Variants in TMEM74 observed in about 807,000 individuals in gnomAD.
TMEM74 encodes the protein transmembrane protein 74.
TMEM74 carries 13 observed loss-of-function variants against 18.1 expected under a neutral mutation model. The observed-to-expected ratio is 0.72, with a 90% CI of 0.47 to 1.14. The LOEUF (loss-of-function observed/expected upper bound fraction) is 1.14. Among genes scored for constraint, TMEM74 ranks in the 50% most tolerant of loss-of-function variants. The probability of loss-of-function intolerance (pLI) is 0.00; values close to 1 mark genes in which losing one functional copy is unlikely to be tolerated. For missense variants in TMEM74, 372 were observed against 375.9 expected, an observed-to-expected ratio of 0.99 and a Z score of 0.09; for synonymous variants, 159 against 146.6, an observed-to-expected ratio of 1.08 and a Z score of -0.61.
At chr8:108,676,615 T>A (rs915502419) in intron 1 of TMEM74, among the ~76,000 whole-genome samples, 4 of 152,214 alleles carry the variant, frequency 2.6e-5, no homozygotes, top group African/African-American at 9.6e-5. Context: ...TCAATTAATA[T>A]TTTTCACCCT....
At chr8:108,785,213 TC>T in intron 1 of TMEM74, 76 bp from the exon 2 acceptor site, 2 of 1,126,274 alleles carry the variant, frequency 1.8e-6, no homozygotes, top group Non-Finnish European at 2.5e-6. Context: ...GCTCCTGGGG[TC>T]CCCATTTCCT....
chr8:108,761,197 G>A (rs1210429873), intron 1 of TMEM74, among the ~76,000 whole-genome samples: 1 of 152,068 alleles, frequency 6.6e-6, no homozygotes, highest in Non-Finnish European at 1.5e-5. Flanking sequence ...ATAGTGGTTA[G>A]AAGCATGGTT....
At chr8:108,623,243 G>C (rs1319620383) in intron 2 of TMEM74, among the ~76,000 whole-genome samples, 1 of 152,074 alleles carries the variant, frequency 6.6e-6, no homozygotes, top group African/African-American at 2.4e-5. Flanking sequence ...CTACAAATTA[G>C]GTCCTTTCTA....
At chr8:108,686,660 T>C (rs3019415) in intron 1 of TMEM74, among the ~76,000 whole-genome samples, 27,823 of 147,732 alleles carry the variant, frequency 0.19, 2,753 homozygotes, top group East Asian at 0.3. Context: ...TCAGTCAGGT[T>C]CTAAGTCCAA....
intron 1 of TMEM74, among the ~76,000 whole-genome samples, chr8:108,727,392 A>G (rs942177140): frequency 3.3e-5 from 5 of 152,204 alleles, no homozygotes; most frequent in African/African-American, 1.2e-4. Context: ...AGATGATGAC[A>G]AGTGGCAAGA....
intron 2 of TMEM74, among the ~76,000 whole-genome samples, chr8:108,635,565 C>A (rs1185341950): frequency 2.6e-5 from 4 of 151,966 alleles, no homozygotes; most frequent in Admixed American, 6.6e-5. Flanking sequence ...CACCTTTAGA[C>A]CAGACAAGAC....
intron 1 of TMEM74, among the ~76,000 whole-genome samples, chr8:108,676,579 A>T (rs188583608): frequency 5.1e-4 from 78 of 152,252 alleles, no homozygotes; most frequent in African/African-American, 1.9e-3. Flanking sequence ...CAATCCTTCC[A>T]TTGACCACCC....
chr8:108,701,741 A>G lies in TMEM74; in HGVS notation n.120-46304T>C, dbSNP rs570052999. Among the ~76,000 whole-genome samples the G allele has an allele frequency of 3.3e-5, 5 of 152,330 alleles. No individual in the cohort carries two copies. The South Asian group carries it at 1.0e-3, about 32-fold the overall frequency. ...TGCAAAACTCTGATGCAAGAAATCA[A>G]AAAAGAACTAAATAAACAGAGAAAT... On this transcript the variant is annotated intron_variant and non_coding_transcript_variant, in intron 1 of 3. Coordinates refer to the TMEM74 transcript ENST00000518838.
At chr8:108,637,082 A>C (rs1812614145) in intron 2 of TMEM74, among the ~76,000 whole-genome samples, 1 of 151,976 alleles carries the variant, frequency 6.6e-6, no homozygotes, top group Non-Finnish European at 1.5e-5. Flanking sequence ...ACTTCTCATT[A>C]CTCCTGCTAT....
At chr8:108,679,375 G>A (rs1450099828) in intron 1 of TMEM74, among the ~76,000 whole-genome samples, 3 of 152,124 alleles carry the variant, frequency 2.0e-5, no homozygotes, top group Non-Finnish European at 4.4e-5. Flanking sequence ...CAGTGTAAAA[G>A]TGTTCCTATT....
At chr8:108,778,737 C>A (rs1230179691), downstream of TMEM74, among the ~76,000 whole-genome samples, 54 of 152,118 alleles carry the variant, frequency 3.5e-4, no homozygotes, top group Non-Finnish European at 7.3e-5. Context: ...AGATTAAAAG[C>A]AGGTGCATAA....
intron 1 of TMEM74, among the ~76,000 whole-genome samples, chr8:108,694,941 C>T: frequency 6.6e-6 from 1 of 152,160 alleles, no homozygotes; most frequent in Admixed American, 6.5e-5. Flanking sequence ...AACCCACAAG[C>T]ATTCCCCTTT....
intron 1 of TMEM74, among the ~76,000 whole-genome samples, chr8:108,728,232 T>G (rs976193707): frequency 1.3e-5 from 2 of 152,160 alleles, no homozygotes; most frequent in East Asian, 1.9e-4. Flanking sequence ...AAATAGCATA[T>G]GCTTGTATGG....
intron 1 of TMEM74, among the ~76,000 whole-genome samples, chr8:108,746,209 G>C (rs186614501): frequency 2.0e-5 from 3 of 152,152 alleles, no homozygotes; most frequent in African/African-American, 4.8e-5. Context: ...TCATTTAAGA[G>C]GGGAGGCTAT....
intron 1 of TMEM74, among the ~76,000 whole-genome samples, chr8:108,735,749 A>G (rs1290232504): frequency 1.3e-5 from 2 of 152,130 alleles, no homozygotes; most frequent in Admixed American, 6.5e-5. Context: ...GCTGAGTCAT[A>G]TGGCATCTTT....
At chr8:108,637,688 C>A (rs1812620915) in intron 2 of TMEM74, among the ~76,000 whole-genome samples, 1 of 152,084 alleles carries the variant, frequency 6.6e-6, no homozygotes. Flanking sequence ...CTAGAGCCTA[C>A]AGAAGGAAAG....
At chr8:108,691,219 GTGA>G (rs1431427780) in intron 1 of TMEM74, among the ~76,000 whole-genome samples, 4 of 152,202 alleles carry the variant, frequency 2.6e-5, no homozygotes, top group African/African-American at 9.6e-5. Flanking sequence ...GAGAAAGGAT[GTGA>G]TCTCTTTGGT....
At chr8:108,743,435 A>G (rs1813820779) in intron 1 of TMEM74, among the ~76,000 whole-genome samples, 1 of 152,222 alleles carries the variant, frequency 6.6e-6, no homozygotes, top group African/African-American at 2.4e-5. Flanking sequence ...GAAATTAAAC[A>G]GAAAAAAGGT....
intron 1 of TMEM74, among the ~76,000 whole-genome samples, chr8:108,729,676 T>G (rs994803405): frequency 6.6e-6 from 1 of 152,346 alleles, no homozygotes; most frequent in East Asian, 1.9e-4. Context: ...TAAACATTAA[T>G]TGGAATTTCC....
Sources: allele counts gnomAD v4.1 joint callset (sites outside exome capture counted in the v4.1 genomes callset), GRCh38; gene constraint gnomAD v4.1.1; transcripts MANE v1.5; gene names NCBI Gene and HGNC (gene_info 2026-07-23, HGNC 2026-07-21).